The following PTPRS variants were observed in gnomAD, a reference collection of about 807,000 sequenced individuals.
PTPRS encodes the protein protein tyrosine phosphatase receptor type S, also known as receptor-type tyrosine-protein phosphatase S.
A neutral mutation model predicts 215.3 loss-of-function variants in PTPRS; 63 were observed. The ratio of observed to expected loss-of-function variants is 0.29; its 90% CI spans 0.24 to 0.36. PTPRS has a LOEUF of 0.36. PTPRS is among the 10% of genes least tolerant of loss of function. The pLI is 1.00. For missense variants in PTPRS, 2,258 were observed against 2,825.8 expected, an observed-to-expected ratio of 0.80 and a Z score of 4.56; for synonymous variants, 1,404 against 1,191.4, an observed-to-expected ratio of 1.18 and a Z score of -3.68.
intron 1 of PTPRS, among the ~76,000 whole-genome samples, chr19:5,322,898 A>AAAAAGAAGAAG (rs775619490): frequency 1.7e-5 from 2 of 120,288 alleles, no homozygotes; most frequent in Admixed American, 9.4e-5. Context: ...AAAAAAAAAA[A>AAAAAGAAGAAG]AAGAAGAAGA....
At position 5,273,431 on chromosome 19, in the gene PTPRS, G is replaced by C; in HGVS notation, c.379+11C>G. The C allele has an allele frequency of 1.2e-6, 2 of 1,614,146 alleles. No individual in the cohort carries two copies. Among genetic ancestry groups the C allele is most frequent in the South Asian group, 2.2e-5 (2 of 91,080 alleles). ...CAGTTTATCCTCCGCCCGCCCTGAGGAGCCCAATACCTCGGAGGACAGTAA... is the reference window on the plus strand; with the variant it reads ...CAGTTTATCCTCCGCCCGCCCTGAGCAGCCCAATACCTCGGAGGACAGTAA... On this transcript the variant is annotated intron_variant, in intron 4 of 37. Coordinates refer to ENST00000262963, the MANE Select transcript of PTPRS (RefSeq NM_002850.4).
chr19:5,223,557 G>A (rs1305590849), intron 17 of PTPRS, among the ~76,000 whole-genome samples: 1 of 98,630 alleles, frequency 1.0e-5, no homozygotes, highest in Non-Finnish European at 1.9e-5. Context: ...AGCTGCGGTT[G>A]TGATTTTTTT....
In PTPRS at chr19:5,210,896, A is replaced by G. The variant is rs1421277316; in HGVS notation, c.5235-91T>C. ...TGCCCGGGAGGGTCAGGACCAAGCC[A>G]GTGACAGCTACACCTACCACCCCAC... On this transcript the variant is annotated intron_variant, in intron 33 of 37. Transcript: ENST00000262963. The surrounding 1 kb of genome is among the most constrained non-coding windows in gnomAD (Gnocchi z 4.5). The G allele has an allele frequency of 3.3e-6, 5 of 1,504,428 alleles. No homozygotes were observed. The highest frequency in any genetic ancestry group is 4.4e-6 in the Non-Finnish European group (5 of 1,125,020). 93.2% of individuals were successfully genotyped at this position (1,504,428 alleles called of 1,614,324 possible).
intron 1 of PTPRS, among the ~76,000 whole-genome samples, chr19:5,305,765 A>ATATT (rs1491188046): frequency 1.3e-3 from 121 of 93,388 alleles, no homozygotes; most frequent in African/African-American, 3.3e-3. Flanking sequence ...ATATATATAT[A>ATATT]TTTTTTTTTT....
intron 2 of PTPRS, among the ~76,000 whole-genome samples, chr19:5,282,926 G>C (rs2047989658): frequency 6.6e-6 from 1 of 152,204 alleles, no homozygotes; most frequent in Non-Finnish European, 1.5e-5. Flanking sequence ...AATGGGGTTG[G>C]GGGTCTTTAT....
chr19:5,232,474 T>C (rs1232930811), intron 13 of PTPRS, among the ~76,000 whole-genome samples: 1 of 151,936 alleles, frequency 6.6e-6, no homozygotes, highest in African/African-American at 2.4e-5. Flanking sequence ...CCAGGCACCA[T>C]GCCAAGGGGA....
chr19:5,258,087 G>A lies in PTPRS; in HGVS notation c.636C>T (p.Gly212=). Residue 212 remains glycine (G), a synonymous_variant, in exon 8 of 38, where the codon GGC becomes GGT. Transcript: ENST00000262963. ...QIESSEETDQ[G]KYECVATNSA... is the part of the protein sequence containing the mutation. ...TGTTGGTGGCCACACACTCATATTT[G>A]CCCTGGTCGGTTTCCTCACTGCTTT... The A allele has an allele frequency of 6.2e-7, 1 of 1,614,170 alleles. No homozygotes were observed. The highest frequency in any genetic ancestry group is 1.3e-5 in the African/African-American group (1 of 75,044).
At chr19:5,314,843 A>G (rs2049821911) in intron 1 of PTPRS, among the ~76,000 whole-genome samples, 2 of 152,196 alleles carry the variant, frequency 1.3e-5, no homozygotes, top group African/African-American at 4.8e-5. Flanking sequence ...GGCTTAGATC[A>G]GGGGCTTCAG....
chr19:5,211,858 G>A, intron 32 of PTPRS, 90 bp from the exon 33 acceptor site: 2 of 1,573,246 alleles, frequency 1.3e-6, no homozygotes, highest in Non-Finnish European at 8.7e-7. Context: ...GTAGGTAGGG[G>A]CACCCTGCCA....
chr19:5,231,189 G>T, intron 14 of PTPRS, 121 bp downstream of exon 14: 1 of 1,109,650 alleles, frequency 9.0e-7, no homozygotes, highest in Non-Finnish European at 1.2e-6. Flanking sequence ...CTTGCTTCCC[G>T]ACTTCCTCCG....
intron 1 of PTPRS, among the ~76,000 whole-genome samples, chr19:5,312,167 G>A (rs1185697961): frequency 6.6e-6 from 1 of 152,134 alleles, no homozygotes; most frequent in African/African-American, 2.4e-5. Flanking sequence ...AAATGGGCAT[G>A]TCCGTCAGGA....
intron 1 of PTPRS, among the ~76,000 whole-genome samples, chr19:5,313,064 G>A (rs1042177080): frequency 1.3e-5 from 2 of 152,172 alleles, no homozygotes; most frequent in South Asian, 2.1e-4. Flanking sequence ...ACAGGCGCAC[G>A]CCACCAACTC....
intron 8 of PTPRS, among the ~76,000 whole-genome samples, chr19:5,256,904 C>A (rs1351757535): frequency 6.6e-6 from 1 of 151,882 alleles, no homozygotes; most frequent in Non-Finnish European, 1.5e-5. Context: ...ACACGGCCTC[C>A]TGGATGGAGA....
intron 1 of PTPRS, among the ~76,000 whole-genome samples, chr19:5,304,156 G>A (rs1380371595): frequency 2.0e-5 from 3 of 151,980 alleles, no homozygotes; most frequent in Admixed American, 2.0e-4. Context: ...GGCAGACAGG[G>A]GGCCCTGGAA....
chr19:5,314,985 C>T (rs1558138), intron 1 of PTPRS, among the ~76,000 whole-genome samples: 81,107 of 152,022 alleles, frequency 0.53, 23,173 homozygotes, highest in African/African-American at 0.74. Context: ...ATGCATTTAG[C>T]GAGCACCTAC....
At chr19:5,273,300 A>T in intron 4 of PTPRS, 142 bp downstream of exon 4, 1 of 1,158,264 alleles carries the variant, frequency 8.6e-7, no homozygotes, top group Non-Finnish European at 1.3e-6. Context: ...TGAGACTGTT[A>T]CTGGTTGGAT....
At chr19:5,313,988 T>C (rs2049793569) in intron 1 of PTPRS, among the ~76,000 whole-genome samples, 1 of 151,068 alleles carries the variant, frequency 6.6e-6, no homozygotes, top group African/African-American at 2.4e-5. Flanking sequence ...AGTAAAAAAA[T>C]TAGCCAGGCA....
Position 5,221,347 on chromosome 19 carries a change from C to T in PTPRS, c.3202-94G>A, listed in dbSNP as rs532537981. 1.1e-4 allele frequency: 168 copies of T among 1,479,186 alleles called. 2 individuals are homozygous for T. The South Asian group carries it at 2.1e-3, about 18-fold the overall frequency. The allele number at this position is 1,479,186 out of a possible 1,614,324, so 91.6% of individuals were successfully genotyped here. ...ATGAGTCCCCCACCCTGACTGAGCC[C>T]TGATCCCACTGAATCCTGCCCTAGG... is the stretch of plus-strand genomic sequence containing the variant. On this transcript the variant is annotated intron_variant, in intron 19 of 37. Coordinates refer to ENST00000262963, the MANE Select transcript of PTPRS (RefSeq NM_002850.4).
At position 5,222,721 on chromosome 19, in the gene PTPRS, G is replaced by C. The variant is rs772912033; in HGVS notation, c.3071C>G (p.Pro1024Arg). The C allele has an allele frequency of 2.0e-5, 32 of 1,595,648 alleles. No homozygotes were observed. Among genetic ancestry groups the C allele is most frequent in the African/African-American group, 5.4e-5 (4 of 74,734 alleles). ...TRRGPGPFSP[P>R]VRYRTFLRDQ... is the part of the protein sequence containing the mutation. ...CCGCAGGAACGTCCGGTAGCGGACG[G>C]GGGGGCTGAAGGGGCCAGGGCCCCG... Residue 1024 changes from proline (P) to arginine (R), a missense_variant, in exon 18 of 38, where the codon CCC becomes CGC. By Grantham distance (103) the Pro-to-Arg change is moderately radical. Coordinates refer to ENST00000262963, the MANE Select transcript of PTPRS (RefSeq NM_002850.4).
Sources: allele counts gnomAD v4.1 joint callset (sites outside exome capture counted in the v4.1 genomes callset), GRCh38; gene constraint gnomAD v4.1.1; non-coding constraint Gnocchi (gnomAD v3.1); transcripts MANE v1.5; gene names NCBI Gene and HGNC (gene_info 2026-07-23, HGNC 2026-07-21).